PUDP: variants seen among roughly 807,000 people sequenced by gnomAD.
The protein encoded by PUDP is pseudouridine 5'-phosphatase, also known as pseudouridine-5'-phosphatase.
A neutral mutation model predicts 9.4 loss-of-function variants in PUDP; 8 were observed. The ratio of observed to expected loss-of-function variants is 0.85; its 90% CI spans 0.50 to 1.53. The LOEUF is 1.53. Ranked by LOEUF, PUDP falls within the 40% of genes most tolerant of loss-of-function variation. PUDP has a pLI of 0.00. For synonymous variants in PUDP, 99 were observed against 80.7 expected (o/e 1.23, Z -1.22); for missense variants, 188 against 189.7 (o/e 0.99, Z 0.05).
chrX:7,147,709 C>A (rs1321747858), intron 1 of PUDP, among the ~76,000 whole-genome samples: 1 of 111,879 alleles, frequency 8.9e-6, no homozygotes, highest in Non-Finnish European at 1.9e-5. Context: ...CCCGCCGCGC[C>A]TCGCTCTGAG....
intron 3 of PUDP, among the ~76,000 whole-genome samples, chrX:6,852,617 G>A (rs1163467419): frequency 1.1e-5 from 1 of 90,643 alleles, no homozygotes; most frequent in Admixed American, 1.4e-4. Flanking sequence ...TTAAGCTCAC[G>A]TCATTTTATT....
intron 1 of PUDP, among the ~76,000 whole-genome samples, chrX:6,979,912 G>T (rs1929008287): frequency 9.1e-6 from 1 of 110,077 alleles, no homozygotes; most frequent in Admixed American, 9.7e-5. Flanking sequence ...TTGAACTTTG[G>T]CTTCTGCTTT....
chrX:7,113,491 A>C (rs1182357710), intron 1 of PUDP: 1 of 112,664 alleles, frequency 8.9e-6, no homozygotes, highest in Non-Finnish European at 1.9e-5. Context: ...ACAAGGCCTT[A>C]GCTTCCTCGG....
intron 3 of PUDP, among the ~76,000 whole-genome samples, chrX:6,726,812 T>C (rs1239763574): frequency 9.0e-6 from 1 of 111,581 alleles, no homozygotes; most frequent in Non-Finnish European, 1.9e-5. Context: ...GCCCAGTCAA[T>C]TGAAGTCGAT....
intron 1 of PUDP, among the ~76,000 whole-genome samples, chrX:6,717,674 T>A (rs1602597426): frequency 9.0e-6 from 1 of 111,713 alleles, no homozygotes; most frequent in Non-Finnish European, 1.9e-5. Flanking sequence ...GTCAGTAAGG[T>A]TCCAAATTAG....
chrX:6,901,754 T>C lies in PUDP; in HGVS notation c.*247+75379A>G, dbSNP rs1340383761. 1.3e-4 allele frequency among the ~76,000 whole-genome samples: 15 copies of C among 113,050 alleles called. No individual in the cohort carries two copies. The Admixed American group carries it at 1.4e-3, about 11-fold the overall frequency. ...CGGTATTGCCACAAAGACCCTGCAT[T>C]GGGCAGGGAGACATGTGCAATATAC... On this transcript the variant is annotated intron_variant and NMD_transcript_variant, in intron 3 of 3. Coordinates refer to the PUDP transcript ENST00000655425.
chrX:6,858,489 CACTA>C (rs1225115703), intron 3 of PUDP, among the ~76,000 whole-genome samples: 1 of 109,321 alleles, frequency 9.1e-6, no homozygotes, highest in Non-Finnish European at 1.9e-5. Context: ...CACCATGCCC[CACTA>C]ACTTTTTAAA....
upstream of PUDP, among the ~76,000 whole-genome samples, chrX:6,726,201 G>A (rs887068153): frequency 9.0e-6 from 1 of 111,494 alleles, no homozygotes; most frequent in East Asian, 2.8e-4. Flanking sequence ...GGGCATGGCC[G>A]TGTGTCCCAA....
rs1483430808 is a variant in PUDP at position 6,852,981 on chromosome X, G to T, written c.*247+124152C>A. On this transcript the variant is annotated intron_variant and NMD_transcript_variant, in intron 3 of 3. Transcript: ENST00000655425. ...TTTATAGGAAACTGATGAGGGCCAG[G>T]CATCTCTTTTGCATAAGGCACACAT... Among the ~76,000 whole-genome samples the T allele has an allele frequency of 1.2e-4, 13 of 111,405 alleles. No homozygotes were observed. The Admixed American group carries it at 1.2e-3, about 11-fold the overall frequency.
chrX:6,998,944 C>G (rs2146808318), intron 1 of PUDP, among the ~76,000 whole-genome samples: 1 of 111,098 alleles, frequency 9.0e-6, no homozygotes, highest in East Asian at 2.8e-4. Flanking sequence ...AGGCTGGGAA[C>G]TGGTGGGGAA....
intron 2 of PUDP, among the ~76,000 whole-genome samples, chrX:7,083,729 C>G (rs1329397298): frequency 9.1e-6 from 1 of 110,352 alleles, no homozygotes; most frequent in Non-Finnish European, 1.9e-5. Context: ...GGTGAAATCC[C>G]ATCTCTACTA....
Position 7,061,897 on chromosome X carries a change from C to T in PUDP, c.511-11425G>A, listed in dbSNP as rs1023151772. Among the ~76,000 whole-genome samples the T allele has an allele frequency of 3.6e-5, 4 of 111,637 alleles. 1 individual carries two copies. Among genetic ancestry groups the T allele is most frequent in the South Asian group, 7.6e-4 (2 of 2,646 alleles). The stretch of plus-strand genomic sequence containing the variant: ...TGATAATGGTGATCCATTCTGTAGA[C>T]GTTACAAAAAATTCACTATGAAGTT... On this transcript the variant is annotated intron_variant, in intron 3 of 3. Coordinates refer to ENST00000381077, the MANE Select transcript of PUDP (RefSeq NM_012080.5).
chrX:7,038,052 A>C (rs1421875702), intron 1 of PUDP, among the ~76,000 whole-genome samples: 1 of 112,507 alleles, frequency 8.9e-6, no homozygotes, highest in Non-Finnish European at 1.9e-5. Context: ...AATCCAAAAC[A>C]ATTAGATTGC....
Position 6,885,557 on chromosome X carries a change from G to GC in PUDP, c.*247+91575dup, listed in dbSNP as rs1199683870. On this transcript the variant is annotated intron_variant and NMD_transcript_variant, in intron 3 of 3. Coordinates refer to the PUDP transcript ENST00000655425. ...CATCCAATGGTCCCTGTTTATAACA[G>GC]CACAGAAGCCAAAGCCAGCTCACCA... Among the ~76,000 whole-genome samples, 32 of 112,142 alleles carry GC rather than the reference G, an allele frequency of 2.9e-4. No homozygotes were observed. In the Admixed American group the frequency reaches 3.0e-3, roughly 11 times the overall value.
intron 1 of PUDP, among the ~76,000 whole-genome samples, chrX:6,993,858 A>G (rs1806081075): frequency 8.9e-6 from 1 of 111,948 alleles, no homozygotes; most frequent in Non-Finnish European, 1.9e-5. Context: ...TGCTAGAGGA[A>G]TCAATCTTCA....
chrX:6,979,821 C>T (rs1464269728), intron 1 of PUDP, among the ~76,000 whole-genome samples: 2 of 110,968 alleles, frequency 1.8e-5, no homozygotes, highest in East Asian at 2.8e-4. Context: ...TAAAAATTGT[C>T]AAAGCAATTC....
intron 1 of PUDP, chrX:7,116,837 C>T: frequency 1.9e-6 from 2 of 1,028,669 alleles, no homozygotes; most frequent in Non-Finnish European, 2.6e-6. Context: ...GGCCATCCTC[C>T]ACTTGGTGAT....
chrX:7,116,493 G>C (rs1366589394), intron 1 of PUDP, among the ~76,000 whole-genome samples: 1 of 111,037 alleles, frequency 9.0e-6, no homozygotes, highest in Non-Finnish European at 1.9e-5. Flanking sequence ...TTCCCAGGTG[G>C]ATGGTGGGCC....
At chrX:7,116,475 C>G (rs1335988039) in intron 1 of PUDP, among the ~76,000 whole-genome samples, 1 of 111,403 alleles carries the variant, frequency 9.0e-6, no homozygotes, top group Admixed American at 9.5e-5. Flanking sequence ...TAGCAAACCC[C>G]TAGCATGTTC....
Sources: allele counts gnomAD v4.1 joint callset (sites outside exome capture counted in the v4.1 genomes callset), GRCh38; gene constraint gnomAD v4.1.1; transcripts MANE v1.5; gene names NCBI Gene and HGNC (gene_info 2026-07-23, HGNC 2026-07-21).